Variants in TERF2 observed in about 807,000 individuals in gnomAD.
The protein encoded by TERF2 is telomeric repeat binding factor 2.
Under a neutral mutation model 56.1 loss-of-function variants are expected in TERF2, and 16 were observed. That is an observed-to-expected ratio of 0.29 (90% CI 0.19 to 0.43). TERF2 has a LOEUF of 0.43. Among genes scored for constraint, TERF2 ranks in the 20% least tolerant of loss-of-function variants. TERF2 has a pLI of 1.00. For synonymous variants in TERF2, 296 were observed against 282.1 expected (o/e 1.05, Z -0.50); for missense variants, 547 against 712.9 (o/e 0.77, Z 2.65).
intron 9 of TERF2, among the ~76,000 whole-genome samples, 166 bp from the exon 10 acceptor site, chr16:69,357,222 G>C (rs1372534633): frequency 1.3e-5 from 2 of 152,222 alleles, no homozygotes; most frequent in Non-Finnish European, 2.9e-5. Context: ...GAGCACTGTG[G>C]ATCTGGACAC....
At chr16:69,381,971 T>C (rs974876480) in intron 3 of TERF2, among the ~76,000 whole-genome samples, 2 of 152,146 alleles carry the variant, frequency 1.3e-5, no homozygotes, top group African/African-American at 4.8e-5. Flanking sequence ...TTAAAAAAAA[T>C]TGTGGCAGTG....
At position 69,385,968 on chromosome 16, in the gene TERF2, C is replaced by A; in HGVS notation, c.4G>T (p.Ala2Ser). ...GGGCCCGCCGTCCCGGCTCCCGCGG[C>A]CATGATAGAAACAGCGTTCCGAGCC... The part of the protein sequence containing the change: M[A>S]AGAGTAGPAS... The change falls in exon 1 of 10, where the codon GCC becomes TCC. Residue 2 changes from alanine (A) to serine (S), a missense_variant. Coordinates refer to ENST00000254942, the MANE Select transcript of TERF2 (RefSeq NM_005652.5). 1 of 1,351,138 alleles carries A rather than the reference C, an allele frequency of 7.4e-7. No homozygotes were observed. The highest frequency in any genetic ancestry group is 1.7e-5 in the South Asian group (1 of 58,826). 83.7% of individuals were successfully genotyped at this position (1,351,138 alleles called of 1,614,324 possible).
intron 3 of TERF2, among the ~76,000 whole-genome samples, chr16:69,375,348 C>T (rs540213521): frequency 3.3e-5 from 5 of 152,236 alleles, no homozygotes; most frequent in Admixed American, 1.3e-4. Flanking sequence ...TGTATCATCC[C>T]GCATTCCCAT....
rs775438784 is a variant in TERF2, at chr16:69,368,378, T to G, written c.945A>C (p.Ala315=). The G allele has an allele frequency of 6.2e-7, 1 of 1,613,626 alleles. No individual in the cohort carries two copies. Among genetic ancestry groups the G allele is most frequent in the Non-Finnish European group, 8.5e-7 (1 of 1,179,986 alleles). The part of the protein sequence containing the change: ...GPVEKPPREP[A]RQLRNPPTTI... ...ATCACAAGAGAGCATCTTTTTACCT[T>G]GCGGGTTCTCTGGGTGGCTTTTCCA... is the stretch of plus-strand genomic sequence containing the variant. The change falls in exon 6 of 10, where the codon GCA becomes GCC. Residue 315 remains alanine (A), a splice_region_variant and synonymous_variant. Transcript: ENST00000254942.
rs2012893169 is a variant in TERF2 at position 69,356,254 on chromosome 16, G to C, written c.*644C>G. 2.2e-6 allele frequency: 1 copy of C among 449,042 alleles called. No homozygotes were observed. Among genetic ancestry groups the C allele is most frequent in the African/African-American group, 2.0e-5 (1 of 49,656 alleles). The allele number at this position is 449,042 out of a possible 1,614,324, so 27.8% of individuals were successfully genotyped here. A position where few individuals can be genotyped will look rare whatever the true frequency, so the allele number is the denominator to read the frequency against. On this transcript the variant is annotated 3_prime_UTR_variant, in exon 10 of 10. Transcript: ENST00000254942. ...ATGGAGTCACAAGTGGCTCCTAATAGACTTCACCATTTCCTAGGAGAAGGT... is the reference window on the plus strand; with the variant it reads ...ATGGAGTCACAAGTGGCTCCTAATACACTTCACCATTTCCTAGGAGAAGGT...
chr16:69,358,857 C>A (rs775703341), intron 8 of TERF2, among the ~76,000 whole-genome samples: 1 of 152,218 alleles, frequency 6.6e-6, no homozygotes, highest in African/African-American at 2.4e-5. Context: ...TCCCCTTAAT[C>A]TTACCGATTA....
chr16:69,384,292 T>C (rs569520344), intron 3 of TERF2, among the ~76,000 whole-genome samples: 3 of 152,252 alleles, frequency 2.0e-5, no homozygotes, highest in African/African-American at 7.2e-5. Flanking sequence ...AAGGCCCTTG[T>C]AGAGTGCTCC....
intron 5 of TERF2, among the ~76,000 whole-genome samples, chr16:69,368,961 C>T (rs1270635692): frequency 2.6e-5 from 4 of 152,138 alleles, no homozygotes; most frequent in Admixed American, 2.6e-4. Context: ...CAGGCATGAG[C>T]CACCATGCCC....
intron 3 of TERF2, among the ~76,000 whole-genome samples, chr16:69,379,599 C>T (rs772319550): frequency 7.2e-5 from 11 of 152,142 alleles, no homozygotes; most frequent in Non-Finnish European, 1.3e-4. Flanking sequence ...CTTCTTAAAA[C>T]GTTACTGCAG....
intron 2 of TERF2, 162 bp from the exon 3 acceptor site, chr16:69,384,872 G>T: frequency 3.3e-6 from 2 of 611,356 alleles, no homozygotes; most frequent in Non-Finnish European, 2.5e-6. Context: ...TACACGATAA[G>T]GGTCCAAATT....
chr16:69,364,505 A>G (rs906910550), intron 7 of TERF2, among the ~76,000 whole-genome samples: 1 of 151,716 alleles, frequency 6.6e-6, no homozygotes, highest in Non-Finnish European at 1.5e-5. Context: ...TCTGCCTGAC[A>G]CACTAGACTA....
At position 69,372,366 on chromosome 16, in the gene TERF2, G is replaced by A; in HGVS notation, c.607-11C>T. On this transcript the variant is annotated splice_polypyrimidine_tract_variant and intron_variant, in intron 3 of 9. Coordinates refer to ENST00000254942, the MANE Select transcript of TERF2 (RefSeq NM_005652.5). ...ACAAATAATGACAGCCTAAAAAGGA[G>A]GGGAAAAATCTTTTTTTACTTTTGT... 2.5e-6 allele frequency: 4 copies of A among 1,572,720 alleles called. No homozygotes were observed. Among genetic ancestry groups the A allele is most frequent in the Non-Finnish European group, 2.6e-6 (3 of 1,154,358 alleles).
chr16:69,369,435 A>G (rs538537967), intron 5 of TERF2, among the ~76,000 whole-genome samples: 1 of 152,220 alleles, frequency 6.6e-6, no homozygotes, highest in East Asian at 1.9e-4. Flanking sequence ...AGTAGCTGGG[A>G]CTACAGGCAC....
intron 2 of TERF2, 53 bp from the exon 3 acceptor site, chr16:69,384,763 T>C (rs200500352): frequency 6.4e-5 from 95 of 1,495,452 alleles, no homozygotes; most frequent in Admixed American, 9.0e-5. Flanking sequence ...GGTAAAAAAG[T>C]TATGTCCAAA....
intron 3 of TERF2, among the ~76,000 whole-genome samples, chr16:69,380,923 T>A (rs946024592): frequency 4.6e-5 from 7 of 150,972 alleles, no homozygotes; most frequent in Non-Finnish European, 8.8e-5. Context: ...TGCCTCAGTC[T>A]CCCGAGTAGC....
chr16:69,366,521 A>C (rs142489098), intron 7 of TERF2: 48 of 409,832 alleles, frequency 1.2e-4, no homozygotes, highest in African/African-American at 9.0e-4. Context: ...AAGTCAAGAC[A>C]CTCAGATGTT....
chr16:69,385,734 G>A lies in TERF2; in HGVS notation c.238C>T (p.Pro80Ser). The change falls in exon 1 of 10, where the codon CCG becomes TCG. Residue 80 changes from proline (P) to serine (S), a missense_variant. Transcript: ENST00000254942. The stretch of plus-strand genomic sequence containing the variant: ...GCCTCCCCCGCGCCGCGCTCCGCCG[G>A]GCCCCCCAGCCCCGGCTCGTGGCGC... ...RGRHEPGLGG[P>S]AERGAGEARL... The A allele has an allele frequency of 1.3e-6, 2 of 1,547,878 alleles. No individual in the cohort carries two copies. Among genetic ancestry groups the A allele is most frequent in the Non-Finnish European group, 1.7e-6 (2 of 1,151,016 alleles).
Position 69,367,194 on chromosome 16 carries a change from A to C in TERF2, c.953T>G (p.Leu318Arg), listed in dbSNP as rs1426490976. Residue 318 changes from leucine to arginine, a missense_variant, in exon 7 of 10, where the codon CTA (leucine) becomes CGA (arginine). Leu to Arg is a moderately radical substitution (Grantham distance 102). Transcript: ENST00000254942. ...EKPPREPARQLRNPPTTIGMM... is the reference protein window; with the variant it reads ...EKPPREPARQRRNPPTTIGMM... The stretch of plus-strand genomic sequence containing the variant: ...TCCAATGGTGGTTGGAGGATTCCGT[A>C]GCTGCCTGCAAATCAAGCATAGGCA... 2.5e-6 allele frequency: 4 copies of C among 1,600,876 alleles called. No homozygotes were observed. The East Asian group carries it at 9.0e-5, about 36-fold the overall frequency.
intron 8 of TERF2, among the ~76,000 whole-genome samples, chr16:69,360,054 C>G (rs1170250775): frequency 6.6e-6 from 1 of 151,908 alleles, no homozygotes; most frequent in African/African-American, 2.4e-5. Context: ...TGAGCCACTA[C>G]GCCCAGCCTA....
Sources: gnomAD v4.1 joint callset for allele counts (sites outside exome capture counted in the v4.1 genomes callset) on GRCh38, gnomAD v4.1.1 for gene constraint, MANE v1.5 for transcripts, NCBI Gene and HGNC (gene_info 2026-07-23, HGNC 2026-07-21) for gene names.